AKAP19: variants seen among roughly 807,000 people sequenced by gnomAD.
AKAP19 encodes the protein A-kinase anchoring protein 19.
chr2:190,030,785 A>G, the AKAP19 span, among the ~76,000 whole-genome samples: 1 of 152,216 alleles, frequency 6.6e-6, no homozygotes, highest in Non-Finnish European at 1.5e-5. Context: ...ACTTCTGGAT[A>G]TGTATTTGGA....
chr2:189,881,797 A>G, the AKAP19 span, among the ~76,000 whole-genome samples: 1 of 152,194 alleles, frequency 6.6e-6, no homozygotes, highest in Admixed American at 6.5e-5. Context: ...AAAAATTGAA[A>G]AACATTAGGC....
the AKAP19 span, among the ~76,000 whole-genome samples, chr2:190,029,054 G>A: frequency 6.6e-6 from 1 of 151,318 alleles, no homozygotes; most frequent in Admixed American, 6.6e-5. Flanking sequence ...TACCTGTAAG[G>A]ATTTTTTTTT....
the AKAP19 span, among the ~76,000 whole-genome samples, chr2:189,983,465 A>G: frequency 1.3e-5 from 2 of 152,178 alleles, no homozygotes; most frequent in Non-Finnish European, 2.9e-5. Flanking sequence ...GAAAAGCATG[A>G]AAACACTTTC....
At chr2:189,879,973 G>T in the AKAP19 span, 1 of 152,164 alleles carries the variant, frequency 6.6e-6, no homozygotes, top group Non-Finnish European at 1.5e-5. Flanking sequence ...AGCCATCTAT[G>T]GTCTGGCCAG....
chr2:190,146,353 A>G, the AKAP19 span, among the ~76,000 whole-genome samples: 1 of 152,160 alleles, frequency 6.6e-6, no homozygotes, highest in Non-Finnish European at 1.5e-5. Context: ...TCCGTCATTT[A>G]TATATATCAC....
the AKAP19 span, chr2:189,917,519 T>C: frequency 3.2e-6 from 2 of 615,974 alleles, 1 homozygote. Flanking sequence ...TGCTTTCTTT[T>C]TTCTTTTTTG....
the AKAP19 span, chr2:189,917,234 A>G: frequency 1.8e-6 from 2 of 1,141,118 alleles, no homozygotes; most frequent in Non-Finnish European, 2.5e-6. Flanking sequence ...CTGTCCTTTC[A>G]TCAAGCTTTT....
At chr2:189,911,201 G>T in the AKAP19 span, among the ~76,000 whole-genome samples, 1 of 152,020 alleles carries the variant, frequency 6.6e-6, no homozygotes, top group East Asian at 1.9e-4. Context: ...GTAACACTTT[G>T]GGATTTTTGA....
chr2:189,917,364 A>G, the AKAP19 span: 1 of 1,117,232 alleles, frequency 9.0e-7, no homozygotes, highest in Non-Finnish European at 1.4e-6. Context: ...ATTTTAGATC[A>G]GTTTCCCTCT....
At chr2:189,938,083 C>T in the AKAP19 span, among the ~76,000 whole-genome samples, 1 of 151,984 alleles carries the variant, frequency 6.6e-6, no homozygotes, top group East Asian at 1.9e-4. Context: ...TGCCTATAAT[C>T]CCAGGACTTT....
chr2:190,036,714 C>T, the AKAP19 span, among the ~76,000 whole-genome samples: 3 of 152,100 alleles, frequency 2.0e-5, no homozygotes. Context: ...AGAATAGACT[C>T]ATATATCATC....
the AKAP19 span, among the ~76,000 whole-genome samples, chr2:190,023,221 A>G: frequency 3.9e-5 from 6 of 152,184 alleles, no homozygotes; most frequent in Non-Finnish European, 8.8e-5. Flanking sequence ...TTATAAACAC[A>G]TTAAACACAA....
the AKAP19 span, among the ~76,000 whole-genome samples, chr2:189,990,815 C>T: frequency 1.3e-5 from 2 of 152,226 alleles, no homozygotes; most frequent in Non-Finnish European, 1.5e-5. Flanking sequence ...ATCACCTGAG[C>T]AGTGTACACT....
the AKAP19 span, among the ~76,000 whole-genome samples, chr2:189,937,620 G>GA: frequency 6.6e-6 from 1 of 152,168 alleles, no homozygotes; most frequent in Non-Finnish European, 1.5e-5. Context: ...AATAGAATCT[G>GA]AAAAGAAGAC....
At chr2:190,034,674 A>C in the AKAP19 span, among the ~76,000 whole-genome samples, 1 of 151,208 alleles carries the variant, frequency 6.6e-6, no homozygotes, top group Admixed American at 6.6e-5. Flanking sequence ...ACGAAACCCC[A>C]TCTCTACTAA....
the AKAP19 span, among the ~76,000 whole-genome samples, chr2:190,090,492 T>G: frequency 6.6e-6 from 1 of 152,218 alleles, no homozygotes. Flanking sequence ...TCAAAGCAGA[T>G]TCTTCCCAAG....
the AKAP19 span, among the ~76,000 whole-genome samples, chr2:189,886,177 A>AT: frequency 3.1e-4 from 47 of 152,188 alleles, no homozygotes; most frequent in Non-Finnish European, 5.4e-4. Context: ...GGATACCAGT[A>AT]TTTTTGAGGC....
At chr2:190,112,196 ACCCCTC>A in the AKAP19 span, among the ~76,000 whole-genome samples, 1 of 152,142 alleles carries the variant, frequency 6.6e-6, no homozygotes, top group Non-Finnish European at 1.5e-5. Flanking sequence ...AACGTGGTGT[ACCCCTC>A]CATTTATATT....
At chr2:190,097,720 C>T in the AKAP19 span, among the ~76,000 whole-genome samples, 2 of 151,744 alleles carry the variant, frequency 1.3e-5, no homozygotes, top group Admixed American at 6.6e-5. Flanking sequence ...TTTCTTTGTT[C>T]ATTCATAAGG....
Sources: gnomAD v4.1 joint callset for allele counts (sites outside exome capture counted in the v4.1 genomes callset) on GRCh38, gnomAD v4.1.1 for gene constraint, MANE v1.5 for transcripts, NCBI Gene and HGNC (gene_info 2026-07-23, HGNC 2026-07-21) for gene names.